NLK: variants seen among roughly 807,000 people sequenced by gnomAD.
NLK encodes nemo like kinase.
Under a neutral mutation model 59.0 loss-of-function variants are expected in NLK, and 11 were observed. That is an observed-to-expected ratio of 0.19 (90% CI 0.12 to 0.31). The LOEUF (loss-of-function observed/expected upper bound fraction) is 0.31. Ranked by LOEUF, NLK falls within the 10% of genes least tolerant of loss-of-function variation. The pLI is 1.00. For missense variants in NLK, 410 were observed against 661.1 expected (o/e 0.62, Z 4.16); for synonymous variants, 235 against 235.9 (o/e 1.00, Z 0.03).
chr17:28,196,217 A>G lies in NLK; in HGVS notation c.*1581A>G, dbSNP rs1909480294. 6.6e-6 allele frequency: 1 copy of G among 152,544 alleles called. No individual in the cohort carries two copies. The highest frequency in any genetic ancestry group is 1.5e-5 in the Non-Finnish European group (1 of 68,028). 9.4% of individuals were successfully genotyped at this position (152,544 alleles called of 1,614,324 possible). A position where few individuals can be genotyped will look rare whatever the true frequency, so the allele number is the denominator to read the frequency against. On this transcript the variant is annotated 3_prime_UTR_variant, in exon 11 of 11. Coordinates refer to ENST00000407008, the MANE Select transcript of NLK (RefSeq NM_016231.5). The stretch of plus-strand genomic sequence containing the variant: ...CAACCCAACTGAAGCATTTCAATTC[A>G]CTTGAATGAGAAACGTGTTTAGTAT...
chr17:28,125,395 T>A (rs1450458234), intron 2 of NLK, among the ~76,000 whole-genome samples: 2 of 152,254 alleles, frequency 1.3e-5, no homozygotes, highest in Non-Finnish European at 2.9e-5. Context: ...TTCTCCAATC[T>A]TTAAGTTTTT....
chr17:28,194,483 T>C, intron 10 of NLK, 99 bp from the exon 11 acceptor site: 1 of 804,388 alleles, frequency 1.2e-6, no homozygotes, highest in East Asian at 2.6e-5. Context: ...GAAGTGGAAT[T>C]AATTTTTTCA....
At chr17:28,132,791 A>G (rs1300065267) in intron 3 of NLK, 116 bp downstream of exon 3, 1 of 853,416 alleles carries the variant, frequency 1.2e-6, no homozygotes, top group Non-Finnish European at 1.9e-6. Context: ...TGCAGAAGTG[A>G]TTGAGTACCT....
At chr17:28,186,649 G>A (rs1328346494) in intron 8 of NLK, among the ~76,000 whole-genome samples, 1 of 152,194 alleles carries the variant, frequency 6.6e-6, no homozygotes, top group Non-Finnish European at 1.5e-5. Flanking sequence ...GGCAAAGAGA[G>A]AGAGCTTGTG....
intron 1 of NLK, among the ~76,000 whole-genome samples, chr17:28,118,818 T>G (rs1487272341): frequency 6.6e-6 from 1 of 152,202 alleles, no homozygotes; most frequent in Non-Finnish European, 1.5e-5. Flanking sequence ...AAGTGAGGAT[T>G]CTTTCTCACG....
At chr17:28,043,755 T>G (rs1330838282) in intron 1 of NLK, among the ~76,000 whole-genome samples, 3 of 152,266 alleles carry the variant, frequency 2.0e-5, no homozygotes, top group African/African-American at 7.2e-5. Context: ...TAGGATATAC[T>G]TTGCATAACT....
rs373575698 is a variant in NLK, at chr17:28,054,950, G to A, written c.458+11619G>A. Among the ~76,000 whole-genome samples the A allele has an allele frequency of 4.0e-4, 61 of 152,252 alleles. 1 individual carries two copies. The highest frequency in any genetic ancestry group is 1.4e-3 in the African/African-American group (58 of 41,536). On this transcript the variant is annotated intron_variant, in intron 1 of 10. Coordinates refer to ENST00000407008, the MANE Select transcript of NLK (RefSeq NM_016231.5). ...ACTTTCAGTCCCAGCTATTTAAGAGGATAACTCTCTTTAAATCCTAGCTCT... is the reference window on the plus strand; with the variant it reads ...ACTTTCAGTCCCAGCTATTTAAGAGAATAACTCTCTTTAAATCCTAGCTCT...
Position 28,110,993 on chromosome 17 carries a change from C to T in NLK, c.459-11610C>T, listed in dbSNP as rs1227249311. 4.1e-5 allele frequency among the ~76,000 whole-genome samples: 6 copies of T among 148,014 alleles called. No individual in the cohort carries two copies. The South Asian group carries it at 6.5e-4, about 16-fold the overall frequency. ...CCAAGTAGCTGGGACTACAGGCGCC[C>T]GCCACTACGCCCGGCTAATTTTTTG... On this transcript the variant is annotated intron_variant, in intron 1 of 10. Transcript: ENST00000407008.
intron 1 of NLK, among the ~76,000 whole-genome samples, chr17:28,075,874 C>T (rs753287345): frequency 2.0e-5 from 3 of 152,192 alleles, no homozygotes; most frequent in South Asian, 2.1e-4. Context: ...AGCTACCTCC[C>T]GTCTGTTTTG....
intron 1 of NLK, among the ~76,000 whole-genome samples, chr17:28,099,896 G>C (rs1299686886): frequency 6.6e-6 from 1 of 152,048 alleles, no homozygotes; most frequent in Non-Finnish European, 1.5e-5. Context: ...TTTTTACTTA[G>C]CATAATGTTT....
downstream of NLK, among the ~76,000 whole-genome samples, chr17:28,199,107 G>A (rs1325643318): frequency 3.9e-5 from 6 of 152,192 alleles, no homozygotes; most frequent in African/African-American, 1.4e-4. Context: ...TATGGTAGAC[G>A]TTTTCCGCAA....
At chr17:28,088,082 A>T (rs1310984725) in intron 1 of NLK, among the ~76,000 whole-genome samples, 1 of 152,200 alleles carries the variant, frequency 6.6e-6, no homozygotes, top group African/African-American at 2.4e-5. Context: ...CACAATCTGT[A>T]TGTTACTGGT....
chr17:28,169,181 C>T (rs147067714), intron 6 of NLK, among the ~76,000 whole-genome samples: 85 of 152,322 alleles, frequency 5.6e-4, no homozygotes, highest in South Asian at 1.7e-3. Flanking sequence ...CCACTGCACC[C>T]GGCCAGTTGA....
chr17:28,073,021 GA>G (rs924278696), intron 1 of NLK, among the ~76,000 whole-genome samples: 1 of 151,022 alleles, frequency 6.6e-6, no homozygotes, highest in Non-Finnish European at 1.5e-5. Flanking sequence ...CAGGGTATTA[GA>G]TTTTTTTTTT....
At chr17:28,170,640 T>A (rs1253324346) in intron 6 of NLK, among the ~76,000 whole-genome samples, 1 of 152,242 alleles carries the variant, frequency 6.6e-6, no homozygotes, top group Non-Finnish European at 1.5e-5. Flanking sequence ...CCTGTAAGAC[T>A]ATCATATCTG....
intron 1 of NLK, among the ~76,000 whole-genome samples, chr17:28,071,434 C>CT (rs538917495): frequency 0.014 from 1,892 of 132,862 alleles, 32 homozygotes; most frequent in African/African-American, 0.037. Flanking sequence ...TAGCTCTCCA[C>CT]TTTTTTTTTT....
At chr17:28,132,749 T>C in intron 3 of NLK, 74 bp downstream of exon 3, 1 of 1,208,454 alleles carries the variant, frequency 8.3e-7, no homozygotes, top group East Asian at 2.5e-5. Flanking sequence ...CCTTTTGGGG[T>C]TCATGCCTTC....
chr17:28,101,417 T>C (rs1337439952), intron 1 of NLK, among the ~76,000 whole-genome samples: 2 of 152,202 alleles, frequency 1.3e-5, no homozygotes, highest in African/African-American at 4.8e-5. Flanking sequence ...ATGGGCATGG[T>C]ATATTTCTCT....
chr17:28,130,874 A>G (rs567900938), intron 2 of NLK, among the ~76,000 whole-genome samples: 4 of 152,302 alleles, frequency 2.6e-5, no homozygotes, highest in African/African-American at 9.6e-5. Flanking sequence ...CTGGCTAATT[A>G]TAGGTTTAAA....
Sources: gnomAD v4.1 joint callset for allele counts (sites outside exome capture counted in the v4.1 genomes callset) on GRCh38, gnomAD v4.1.1 for gene constraint, MANE v1.5 for transcripts, NCBI Gene and HGNC (gene_info 2026-07-23, HGNC 2026-07-21) for gene names.